The following DSEL variants were observed in gnomAD, a reference collection of about 807,000 sequenced individuals.
The protein encoded by DSEL is dermatan sulfate epimerase like, also known as dermatan-sulfate epimerase-like protein.
Under a neutral mutation model 96.6 loss-of-function variants are expected in DSEL, and 61 were observed. That is an observed-to-expected ratio of 0.63 (90% confidence interval 0.51 to 0.78). The LOEUF (loss-of-function observed/expected upper bound fraction) is 0.78. Among genes scored for constraint, DSEL ranks in the 30% least tolerant of loss-of-function variants. The pLI is 0.00. For missense variants in DSEL, 1,320 were observed against 1,430.8 expected (o/e 0.92, Z 1.25); for synonymous variants, 514 against 502.0 (o/e 1.02, Z -0.32).
rs1369453589 is a variant in DSEL at position 67,514,537 on chromosome 18, T to C, written c.72A>G (p.Glu24=). Residue 24 remains glutamate (E), a synonymous_variant, in exon 2 of 2, where the codon GAA becomes GAG. Coordinates refer to ENST00000310045, the MANE Select transcript of DSEL (RefSeq NM_032160.3). ...LLMFAFSTFE[E]SVSNYSEWAV... The stretch of plus-strand genomic sequence containing the variant: ...CCCATTCGGAATAATTGCTCACAGA[T>C]TCCTCAAAAGTAGAGAAAGCAAACA... The C allele has an allele frequency of 1.9e-6, 3 of 1,614,056 alleles. No homozygotes were observed. The African/African-American group carries it at 4.0e-5, about 22-fold the overall frequency.
Position 67,513,288 on chromosome 18 carries a change from C to T in DSEL, c.1321G>A (p.Gly441Arg). 1.2e-6 allele frequency: 2 copies of T among 1,614,190 alleles called. No homozygotes were observed. Among genetic ancestry groups the T allele is most frequent in the Non-Finnish European group, 1.7e-6 (2 of 1,180,032 alleles). ...ACTATGTCATACACAGCTCGTCCCC[C>T]CAGCTTCCCAGATTTAAAAGACACA... ...TFVSFKSGKL[G>R]GRAVYDIVHF... Residue 441 changes from glycine to arginine, a missense_variant, in exon 2 of 2, where the codon GGG becomes AGG. By Grantham distance (125) the Gly-to-Arg change is moderately radical. Transcript: ENST00000310045.
At position 67,514,374 on chromosome 18, in the gene DSEL, A is replaced by G. The variant is rs1265972961; in HGVS notation, c.235T>C (p.Ser79Pro). The G allele has an allele frequency of 6.2e-7, 1 of 1,614,068 alleles. No individual in the cohort carries two copies. The highest frequency in any genetic ancestry group is 2.2e-5 in the East Asian group (1 of 44,890). ...AGEIQAMRQK[S>P]RASHLHLFRA... ...AAAAGATGCAAATGGCTTGCACGAG[A>G]CTTTTGTCTCATTGCTTGGATTTCT... Residue 79 changes from serine to proline, a missense_variant, in exon 2 of 2, where the codon TCT becomes CCT. By Grantham distance (74) the Ser-to-Pro change is moderately conservative. Transcript: ENST00000310045.
At position 67,511,084 on chromosome 18, in the gene DSEL, T is replaced by C. The variant is rs981376333; in HGVS notation, c.3525A>G (p.Ser1175=). The C allele has an allele frequency of 1.2e-6, 2 of 1,614,110 alleles. No individual in the cohort carries two copies. Among genetic ancestry groups the C allele is most frequent in the Non-Finnish European group, 1.7e-6 (2 of 1,179,994 alleles). The change falls in exon 2 of 2, where the codon TCA becomes TCG. Residue 1175 remains serine, a synonymous_variant. Transcript: ENST00000310045. ...LFYLPYEGEI[S]PTNTNVWKQN... is the part of the protein sequence containing the mutation. ...GTTTCCAAACATTAGTATTAGTTGGTGATATTTCCCCTTCATAGGGAAGGT... is the reference window on the plus strand; with the variant it reads ...GTTTCCAAACATTAGTATTAGTTGGCGATATTTCCCCTTCATAGGGAAGGT...
Position 67,512,443 on chromosome 18 carries a change from A to G in DSEL, c.2166T>C (p.His722=). 1 of 1,614,210 alleles carries G rather than the reference A, an allele frequency of 6.2e-7. No individual in the cohort carries two copies. The highest frequency in any genetic ancestry group is 8.5e-7 in the Non-Finnish European group (1 of 1,180,040). Residue 722 remains histidine, a synonymous_variant, in exon 2 of 2, where the codon CAT becomes CAC. Coordinates refer to ENST00000310045, the MANE Select transcript of DSEL (RefSeq NM_032160.3). The part of the protein sequence containing the change: ...EHVVSIVTDY[H]NLKTRFNYLG... ...GATAATTGAATCTTGTCTTCAGGTTATGGTAATCAGTTACAATAGAAACAA... is the reference window on the plus strand; with the variant it reads ...GATAATTGAATCTTGTCTTCAGGTTGTGGTAATCAGTTACAATAGAAACAA...
At position 67,513,816 on chromosome 18, in the gene DSEL, A is replaced by G; in HGVS notation, c.793T>C (p.Leu265=). The G allele has an allele frequency of 1.9e-6, 3 of 1,614,212 alleles. No homozygotes were observed. The highest frequency in any genetic ancestry group is 2.5e-6 in the Non-Finnish European group (3 of 1,180,034). Residue 265 remains leucine, a synonymous_variant, in exon 2 of 2, where the codon TTG becomes CTG. Coordinates refer to ENST00000310045, the MANE Select transcript of DSEL (RefSeq NM_032160.3). ...VDVMEKTMFL[L]NHIVDGSLDE... is the part of the protein sequence containing the mutation. ...AAAGAACCATCAACAATATGATTCA[A>G]TAGAAACATTGTCTTTTCCATGACA...
At position 67,513,581 on chromosome 18, in the gene DSEL, T is replaced by TG; in HGVS notation, c.1027dup (p.Gln343ProfsTer7). 1.2e-6 allele frequency: 2 copies of TG among 1,614,198 alleles called. No homozygotes were observed. The highest frequency in any genetic ancestry group is 1.7e-6 in the Non-Finnish European group (2 of 1,180,042). On this transcript the variant is annotated frameshift_variant, in exon 2 of 2. Coordinates refer to ENST00000310045, the MANE Select transcript of DSEL (RefSeq NM_032160.3). LOFTEE classifies it high-confidence loss of function. ...GATGAACTTATCCAAGAAAACTAGC[T>TG]GGCTTTCTGGACCATAAAACCAATT...
At position 67,512,468 on chromosome 18, in the gene DSEL, A is replaced by T. The variant is rs1026319886; in HGVS notation, c.2141T>A (p.Val714Asp). The change falls in exon 2 of 2, where the codon GTT becomes GAT. Residue 714 changes from valine (V) to aspartate (D), a missense_variant. Around this residue, in one of 3 missense-constraint regions of DSEL, gnomAD observed 986 missense variants for 1,066.4 expected, o/e 0.92. Coordinates refer to ENST00000310045, the MANE Select transcript of DSEL (RefSeq NM_032160.3). ...ISLNVNNTEH[V>D]VSIVTDYHNL... is the part of the protein sequence containing the mutation. Reference sequence around the variant, plus strand: ...ATGGTAATCAGTTACAATAGAAACAACATGTTCAGTATTATTGACATTGAG... The same window carrying T: ...ATGGTAATCAGTTACAATAGAAACATCATGTTCAGTATTATTGACATTGAG... The T allele has an allele frequency of 1.2e-6, 2 of 1,614,084 alleles. No individual in the cohort carries two copies. Among genetic ancestry groups the T allele is most frequent in the African/African-American group, 1.3e-5 (1 of 74,960 alleles).
At position 67,514,051 on chromosome 18, in the gene DSEL, G is replaced by T; in HGVS notation, c.558C>A (p.Asn186Lys). Reference sequence around the variant, plus strand: ...TTTGTCTTCGATGATTATCTAATAAGTTATATAAAAAGTCAAAGGCAGTGG... The same window carrying T: ...TTTGTCTTCGATGATTATCTAATAATTTATATAAAAAGTCAAAGGCAGTGG... ...GFATAFDFLY[N>K]LLDNHRRQKY... Residue 186 changes from asparagine (N) to lysine (K), a missense_variant, in exon 2 of 2, where the codon AAC (asparagine) becomes AAA (lysine). Physicochemically the swap from Asn to Lys is moderately conservative, Grantham distance 94 (BLOSUM62 0). Coordinates refer to ENST00000310045, the MANE Select transcript of DSEL (RefSeq NM_032160.3). 1 of 1,614,044 alleles carries T rather than the reference G, an allele frequency of 6.2e-7. No homozygotes were observed. The highest frequency in any genetic ancestry group is 1.1e-5 in the South Asian group (1 of 91,066).
At position 67,514,624 on chromosome 18, in the gene DSEL, T is replaced by C; in HGVS notation, c.-16A>G. The C allele has an allele frequency of 6.2e-7, 1 of 1,612,748 alleles. No homozygotes were observed. Among genetic ancestry groups the C allele is most frequent in the Non-Finnish European group, 8.5e-7 (1 of 1,179,354 alleles). On this transcript the variant is annotated 5_prime_UTR_variant, in exon 2 of 2. Coordinates refer to ENST00000310045, the MANE Select transcript of DSEL (RefSeq NM_032160.3). ...TTAACGCCATGATCCATGGGGGAGC[T>C]CCTCCCTTAGGCATACATGTCAGAT...
At position 67,511,381 on chromosome 18, in the gene DSEL, A is replaced by G; in HGVS notation, c.3228T>C (p.Gly1076=). The change falls in exon 2 of 2, where the codon GGT becomes GGC. Residue 1076 remains glycine (G), a synonymous_variant. Transcript: ENST00000310045. ...GGKGKCNLNS[G]YAFEYEPLRK... ...TCAATGGTTCATACTCGAAAGCATA[A>G]CCCGAATTTAAGTTACATTTGCCTT... 6.2e-7 allele frequency: 1 copy of G among 1,603,210 alleles called. No homozygotes were observed.
In DSEL at chr18:67,506,981, A is replaced by G. The variant is rs140185935; in HGVS notation, c.*3989T>C. On this transcript the variant is annotated 3_prime_UTR_variant, in exon 2 of 2. Coordinates refer to ENST00000310045, the MANE Select transcript of DSEL (RefSeq NM_032160.3). ...GAAGTGAAATCATGATTAATCAGAT[A>G]TATCAGACAATTTGGTCAACATTTA... 1 of 152,340 alleles carries G rather than the reference A, an allele frequency of 6.6e-6. No individual in the cohort carries two copies. The highest frequency in any genetic ancestry group is 2.4e-5 in the African/African-American group (1 of 41,582). The allele number at this position is 152,340 out of a possible 1,614,324, so 9.4% of individuals were successfully genotyped here.
rs1212390889 is a variant in DSEL at position 67,507,349 on chromosome 18, A to C, written c.*3621T>G. On this transcript the variant is annotated 3_prime_UTR_variant, in exon 2 of 2. Transcript: ENST00000310045. Reference sequence around the variant, plus strand: ...GCAACAAAGTGAGACTCCATCCCAAAAAAAAAAAAAAAAAAAAAAAAAAGA... The same window carrying C: ...GCAACAAAGTGAGACTCCATCCCAACAAAAAAAAAAAAAAAAAAAAAAAGA... The C allele has an allele frequency of 7.4e-5, 9 of 122,236 alleles. No individual in the cohort carries two copies. The highest frequency in any genetic ancestry group is 2.6e-4 in the African/African-American group (9 of 34,416). The allele number at this position is 122,236 out of a possible 1,614,324, so 7.6% of individuals were successfully genotyped here.
In DSEL at chr18:67,511,343, G is replaced by A; in HGVS notation, c.3266C>T (p.Ser1089Leu). ...GGACACTGCATTTGATTTGGATTTT[G>A]ATAATTCTTTCCTCAATGGTTCATA... ...FEYEPLRKEL[S>L]KSKSNAVSLL... is the part of the protein sequence containing the mutation. The change falls in exon 2 of 2, where the codon TCA becomes TTA. Residue 1089 changes from serine (S) to leucine (L), a missense_variant. This residue lies in a region of DSEL where 986 missense variants were observed against 1,066.4 expected (regional missense o/e 0.92). Transcript: ENST00000310045. The A allele has an allele frequency of 6.2e-7, 1 of 1,604,920 alleles. No homozygotes were observed. Among genetic ancestry groups the A allele is most frequent in the Non-Finnish European group, 8.5e-7 (1 of 1,179,978 alleles).
In DSEL at chr18:67,512,176, C is replaced by T. The variant is rs377147174; in HGVS notation, c.2433G>A (p.Leu811=). Residue 811 remains leucine (L), a synonymous_variant, in exon 2 of 2, where the codon TTG becomes TTA. Transcript: ENST00000310045. ...ACACATCCAAAAGCTCAATAAACCACAAGGCAATAACAAGTATTAATATCC... is the reference window on the plus strand; with the variant it reads ...ACACATCCAAAAGCTCAATAAACCATAAGGCAATAACAAGTATTAATATCC... ...MRWILILVIA[L]WFIELLDVWS... is the part of the protein sequence containing the mutation. 1.4e-5 allele frequency: 23 copies of T among 1,614,128 alleles called. No homozygotes were observed. The African/African-American group carries it at 2.4e-4, about 17-fold the overall frequency.
At position 67,507,992 on chromosome 18, in the gene DSEL, A is replaced by G. The variant is rs2089419770; in HGVS notation, c.*2978T>C. Reference sequence around the variant, plus strand: ...AAAATTTAAAAAGCCAATTATCATTATATTTGTTACTTCACTTTTGTCAGC... The same window carrying G: ...AAAATTTAAAAAGCCAATTATCATTGTATTTGTTACTTCACTTTTGTCAGC... On this transcript the variant is annotated 3_prime_UTR_variant, in exon 2 of 2. Coordinates refer to ENST00000310045, the MANE Select transcript of DSEL (RefSeq NM_032160.3). The G allele has an allele frequency of 6.6e-6, 1 of 152,108 alleles. No individual in the cohort carries two copies. The highest frequency in any genetic ancestry group is 1.5e-5 in the Non-Finnish European group (1 of 68,004). The allele number at this position is 152,108 out of a possible 1,614,324, so 9.4% of individuals were successfully genotyped here.
At position 67,512,865 on chromosome 18, in the gene DSEL, G is replaced by A. The variant is rs1279181527; in HGVS notation, c.1744C>T (p.Leu582=). 6.2e-7 allele frequency: 1 copy of A among 1,613,918 alleles called. No individual in the cohort carries two copies. The highest frequency in any genetic ancestry group is 1.7e-5 in the Admixed American group (1 of 60,000). Residue 582 remains leucine (L), a synonymous_variant, in exon 2 of 2, where the codon CTA becomes TTA. Transcript: ENST00000310045. ...ALLLLNSQTL[L]VVDHIERQED... is the part of the protein sequence containing the mutation. ...TGCCTCTCAATATGATCAACAACTA[G>A]CAGAGTTTGGGAATTTAAGAGAAGC...
chr18:67,513,984 C>A lies in DSEL; in HGVS notation c.625G>T (p.Glu209Ter), dbSNP rs34196064. ...CCCCATGAGCGGACCTTGGAATACT[C>A]GTACATTTCCTCAGTAATAACCCAT... is the stretch of plus-strand genomic sequence containing the variant. ...KIWVITEEMYEYSKVRSWGKQ... is the reference protein window; with the variant it reads ...KIWVITEEMY Residue 209 changes from glutamate to a stop codon, truncating the protein, a stop_gained, in exon 2 of 2, where the codon GAG (glutamate) becomes TAG (stop). Transcript: ENST00000310045. LOFTEE classifies it high-confidence loss of function. 4.3e-5 allele frequency: 69 copies of A among 1,614,112 alleles called. No individual in the cohort carries two copies. Among genetic ancestry groups the A allele is most frequent in the Non-Finnish European group, 1.7e-6 (2 of 1,180,026 alleles).
rs1268737341 is a variant in DSEL, at chr18:67,507,360, A to C, written c.*3610T>G. The C allele has an allele frequency of 6.6e-6, 1 of 151,560 alleles. No individual in the cohort carries two copies. Among genetic ancestry groups the C allele is most frequent in the Non-Finnish European group, 1.5e-5 (1 of 67,908 alleles). The allele number at this position is 151,560 out of a possible 1,614,324, so 9.4% of individuals were successfully genotyped here. Reference sequence around the variant, plus strand: ...AGACTCCATCCCAAAAAAAAAAAAAAAAAAAAAAAAAAGAATGTTAGGTAT... The same window carrying C: ...AGACTCCATCCCAAAAAAAAAAAAACAAAAAAAAAAAAGAATGTTAGGTAT... On this transcript the variant is annotated 3_prime_UTR_variant, in exon 2 of 2. Transcript: ENST00000310045.
At position 67,511,119 on chromosome 18, in the gene DSEL, T is replaced by G. The variant is rs141044224; in HGVS notation, c.3490A>C (p.Asn1164His). Residue 1164 changes from asparagine (N) to histidine (H), a missense_variant, in exon 2 of 2, where the codon AAC (asparagine) becomes CAC (histidine). Coordinates refer to ENST00000310045, the MANE Select transcript of DSEL (RefSeq NM_032160.3). ...LNQILFATST[N>H]LFYLPYEGEI... is the part of the protein sequence containing the mutation. ...CCTTCATAGGGAAGGTAAAAAAGGT[T>G]TGTAGAGGTGGCAAACAATATTTGG... 5.6e-6 allele frequency: 9 copies of G among 1,614,026 alleles called. No individual in the cohort carries two copies. The African/African-American group carries it at 1.1e-4, about 19-fold the overall frequency.
Sources: gnomAD v4.1 joint callset for allele counts on GRCh38, gnomAD v4.1.1 for gene constraint, gnomAD v4.1.1 regional missense constraint, MANE v1.5 for transcripts, NCBI Gene and HGNC (gene_info 2026-07-23, HGNC 2026-07-21) for gene names.